Variants in MINDY1 observed in about 807,000 individuals in gnomAD.
MINDY1 encodes the protein MINDY lysine 48 deubiquitinase 1, also known as ubiquitin carboxyl-terminal hydrolase MINDY-1.
In MINDY1, 50 loss-of-function variants were observed where a neutral mutation model predicts 53.6. The ratio of observed to expected loss-of-function variants is 0.93; its 90% CI spans 0.74 to 1.18. MINDY1 has a LOEUF of 1.18. MINDY1 is among the 50% of genes most tolerant of loss of function. MINDY1 has a pLI of 0.00. For missense variants in MINDY1, 484 were observed against 578.6 expected (o/e 0.84, Z 1.68); for synonymous variants, 231 against 234.7 (o/e 0.98, Z 0.14).
At position 150,998,299 on chromosome 1, in the gene MINDY1, T is replaced by TG. The variant is rs760007617; in HGVS notation, c.982-27dup. 21 of 1,589,112 alleles carry TG rather than the reference T, an allele frequency of 1.3e-5. No individual in the cohort carries two copies. The Admixed American group carries it at 2.7e-4, about 20-fold the overall frequency. ...CTACAAAGAAAAGAACAGAGCTCAT[T>TG]GGGGGGACAGTTGATACGGAGGCAG... On this transcript the variant is annotated intron_variant, in intron 7 of 9. Transcript: ENST00000683666.
At chr1:151,007,234 G>A (rs1034343676), upstream of MINDY1, among the ~76,000 whole-genome samples, 1 of 152,180 alleles carries the variant, frequency 6.6e-6, no homozygotes, top group Non-Finnish European at 1.5e-5. Flanking sequence ...CTCTGGGCGC[G>A]ATGGCTGACG....
chr1:150,999,876 T>C lies in MINDY1; in HGVS notation c.824A>G (p.Asn275Ser), dbSNP rs748921124. 14 of 1,613,578 alleles carry C rather than the reference T, an allele frequency of 8.7e-6. No individual in the cohort carries two copies. The highest frequency in any genetic ancestry group is 1.2e-5 in the Non-Finnish European group (14 of 1,179,874). ...AGGAATGTCACCTTCTGTCACGAGG[T>C]TGGTGTCACTGGAGTGTTTGCAGGT... ...IITCKHSSDTNLVTEGLIAEQ... is the reference protein window; with the variant it reads ...IITCKHSSDTSLVTEGLIAEQ... Residue 275 changes from asparagine (N) to serine (S), a missense_variant, in exon 6 of 10, where the codon AAC becomes AGC. Coordinates refer to ENST00000683666, the MANE Select transcript of MINDY1 (RefSeq NM_001376665.1). This position sits in a 1 kb window ranked among gnomAD's most constrained non-coding sequence, Gnocchi z 4.4.
At position 150,999,580 on chromosome 1, in the gene MINDY1, A is replaced by G. The variant is rs1170933799; in HGVS notation, c.839-69T>C. 1.3e-6 allele frequency: 2 copies of G among 1,589,192 alleles called. No individual in the cohort carries two copies. Among genetic ancestry groups the G allele is most frequent in the Non-Finnish European group, 1.7e-6 (2 of 1,168,730 alleles). The stretch of plus-strand genomic sequence containing the variant: ...AGGTCCACAACAGGAAGGACCATCC[A>G]GAGAGCCCCTGTCAAAAGCCCCGGG... On this transcript the variant is annotated intron_variant, in intron 6 of 9. Transcript: ENST00000683666. The surrounding 1 kb of genome is among the most constrained non-coding windows in gnomAD (Gnocchi z 4.4).
In MINDY1 at chr1:150,999,355, C is replaced by G; in HGVS notation, c.981+14G>C. The G allele has an allele frequency of 6.2e-7, 1 of 1,613,688 alleles. No individual in the cohort carries two copies. The highest frequency in any genetic ancestry group is 8.5e-7 in the Non-Finnish European group (1 of 1,179,692). On this transcript the variant is annotated intron_variant, in intron 7 of 9. Coordinates refer to ENST00000683666, the MANE Select transcript of MINDY1 (RefSeq NM_001376665.1). The surrounding 1 kb of genome is among the most constrained non-coding windows in gnomAD (Gnocchi z 4.4). ...TGACAGCACCGCAGCACGCCACCCCCAAACTCGCATTACCTTATGCTTAGT... is the reference window on the plus strand; with the variant it reads ...TGACAGCACCGCAGCACGCCACCCCGAAACTCGCATTACCTTATGCTTAGT...
intron 5 of MINDY1, 88 bp downstream of exon 5, chr1:151,000,369 T>C: frequency 1.4e-6 from 2 of 1,391,524 alleles, no homozygotes; most frequent in South Asian, 2.9e-5. Flanking sequence ...ATCTAACCCC[T>C]AACTCCCTAA....
chr1:150,997,473 A>G, intron 9 of MINDY1, 106 bp from the exon 10 acceptor site: 1 of 1,541,520 alleles, frequency 6.5e-7, no homozygotes, highest in East Asian at 2.4e-5. Flanking sequence ...GGAGAGGAAG[A>G]CAGGAAGGGG....
Position 150,998,078 on chromosome 1 carries a change from A to G in MINDY1, c.1173+4T>C, listed in dbSNP as rs1299887096. 6.2e-7 allele frequency: 1 copy of G among 1,607,438 alleles called. No homozygotes were observed. Among genetic ancestry groups the G allele is most frequent in the Non-Finnish European group, 8.5e-7 (1 of 1,178,088 alleles). On this transcript the variant is annotated splice_donor_region_variant and intron_variant, in intron 8 of 9. Transcript: ENST00000683666. ...TCTGCACTTTTCCTAAGTGCCCTAC[A>G]CACCTGGTCTACCTGCAGCTGCGTT...
At chr1:151,006,065 TC>T (rs1440316408) in intron 1 of MINDY1, 1 of 1,550,218 alleles carries the variant, frequency 6.5e-7, no homozygotes, top group South Asian at 1.2e-5. Context: ...TCAGAATATG[TC>T]AACCATGGCC....
At position 150,997,028 on chromosome 1, in the gene MINDY1, G is replaced by C; in HGVS notation, c.*259C>G. The stretch of plus-strand genomic sequence containing the variant: ...CCCCAGAGCCTCAGTCTGTACATAC[G>C]TGTGACTATTCAGGGACCGGGAGTT... On this transcript the variant is annotated 3_prime_UTR_variant, in exon 10 of 10. Coordinates refer to ENST00000683666, the MANE Select transcript of MINDY1 (RefSeq NM_001376665.1). 1.8e-6 allele frequency: 1 copy of C among 554,572 alleles called. No homozygotes were observed. The highest frequency in any genetic ancestry group is 3.3e-6 in the Non-Finnish European group (1 of 307,340). The allele number at this position is 554,572 out of a possible 1,614,324, so 34.4% of individuals were successfully genotyped here.
Position 150,998,226 on chromosome 1 carries a change from C to T in MINDY1, c.1029G>A (p.Glu343=), listed in dbSNP as rs1000195456. 5 of 1,614,184 alleles carry T rather than the reference C, an allele frequency of 3.1e-6. No homozygotes were observed. The highest frequency in any genetic ancestry group is 1.7e-5 in the Admixed American group (1 of 60,022). The change falls in exon 8 of 10, where the codon GAG becomes GAA. Residue 343 remains glutamate (E), a synonymous_variant. Transcript: ENST00000683666. ...TGTGCAGGCTCTCCCATACGACTTG[C>T]TCCTCCTGTAGAAAGCCCTGGTCAG... ...LVTDQGFLQE[E]QVVWESLHNV...
rs766767972 is a variant in MINDY1, at chr1:150,998,234, G to A, written c.1021C>T (p.Gln341Ter). 6.2e-7 allele frequency: 1 copy of A among 1,614,164 alleles called. No individual in the cohort carries two copies. Among genetic ancestry groups the A allele is most frequent in the Non-Finnish European group, 8.5e-7 (1 of 1,180,030 alleles). Reference protein sequence around the residue: ...YLLVTDQGFLQEEQVVWESLH... With the variant: ...YLLVTDQGFL ...CTCTCCCATACGACTTGCTCCTCCT[G>A]TAGAAAGCCCTGGTCAGTGACCAGT... The change falls in exon 8 of 10, where the codon CAG becomes TAG. Residue 341 changes from glutamine (Q) to a stop codon, truncating the protein, a stop_gained. Coordinates refer to ENST00000683666, the MANE Select transcript of MINDY1 (RefSeq NM_001376665.1). LOFTEE classifies it high-confidence loss of function.
intron 3 of MINDY1, among the ~76,000 whole-genome samples, 157 bp downstream of exon 3, chr1:151,001,566 CTT>C (rs1474385485): frequency 6.6e-6 from 1 of 152,264 alleles, no homozygotes; most frequent in African/African-American, 2.4e-5. Context: ...GACGCCTTTG[CTT>C]TTCATTCTCC....
Position 151,002,816 on chromosome 1 carries a change from G to A in MINDY1, c.-89-110C>T. The A allele has an allele frequency of 2.7e-6, 4 of 1,458,170 alleles. No individual in the cohort carries two copies. Among genetic ancestry groups the A allele is most frequent in the Non-Finnish European group, 3.6e-6 (4 of 1,107,216 alleles). 90.3% of individuals were successfully genotyped at this position (1,458,170 alleles called of 1,614,324 possible). ...GCTAGTGTTTGTGCAGTAACTCCTG[G>A]CTATGGGCAGTATATGTGTAAACAG... On this transcript the variant is annotated intron_variant, in intron 1 of 9. Coordinates refer to ENST00000683666, the MANE Select transcript of MINDY1 (RefSeq NM_001376665.1). The surrounding 1 kb of genome is among the most constrained non-coding windows in gnomAD (Gnocchi z 4.1).
chr1:150,997,051 G>A lies in MINDY1; in HGVS notation c.*236C>T. 1.7e-6 allele frequency: 1 copy of A among 581,934 alleles called. No individual in the cohort carries two copies. The highest frequency in any genetic ancestry group is 2.0e-5 in the South Asian group (1 of 49,644). The allele number at this position is 581,934 out of a possible 1,614,324, so 36.0% of individuals were successfully genotyped here. On this transcript the variant is annotated 3_prime_UTR_variant, in exon 10 of 10. Coordinates refer to ENST00000683666, the MANE Select transcript of MINDY1 (RefSeq NM_001376665.1). The stretch of plus-strand genomic sequence containing the variant: ...ACGTGTGACTATTCAGGGACCGGGA[G>A]TTGAGAACCAGAAACCCACCAATCC...
At chr1:151,004,862 A>C (rs1341318044) in intron 1 of MINDY1, among the ~76,000 whole-genome samples, 1 of 152,162 alleles carries the variant, frequency 6.6e-6, no homozygotes, top group African/African-American at 2.4e-5. Flanking sequence ...TTGTAAACCT[A>C]CAGGAATTTG....
intron 5 of MINDY1, 56 bp downstream of exon 5, chr1:151,000,401 C>A (rs1160385273): frequency 3.3e-6 from 5 of 1,518,818 alleles, no homozygotes; most frequent in South Asian, 1.3e-5. Context: ...CAAAAATTTG[C>A]CTCTCTCATG....
At chr1:151,006,933 C>G, upstream of MINDY1, 2 of 981,386 alleles carry the variant, frequency 2.0e-6, no homozygotes, top group Non-Finnish European at 2.4e-6. Flanking sequence ...AGTGCCCTTG[C>G]TAAGTAGGGA....
Position 150,999,782 on chromosome 1 carries a change from A to G in MINDY1, c.838+80T>C. 7.9e-7 allele frequency: 1 copy of G among 1,267,108 alleles called. No individual in the cohort carries two copies. Among genetic ancestry groups the G allele is most frequent in the Non-Finnish European group, 1.1e-6 (1 of 882,066 alleles). The allele number at this position is 1,267,108 out of a possible 1,614,324, so 78.5% of individuals were successfully genotyped here. Reference sequence around the variant, plus strand: ...CTTATATCTAGTGGGATGTGGTAGGAGATGACACCCAATAAAAAATAAGCC... The same window carrying G: ...CTTATATCTAGTGGGATGTGGTAGGGGATGACACCCAATAAAAAATAAGCC... On this transcript the variant is annotated intron_variant, in intron 6 of 9. Transcript: ENST00000683666. The surrounding 1 kb of genome is among the most constrained non-coding windows in gnomAD (Gnocchi z 4.4).
At chr1:151,000,034 G>T in intron 5 of MINDY1, 70 bp from the exon 6 acceptor site, 2 of 1,177,784 alleles carry the variant, frequency 1.7e-6, no homozygotes, top group South Asian at 1.3e-5. Flanking sequence ...GGAAGGAAAT[G>T]AACAAAGCTC....
Sources: gnomAD v4.1 joint callset for allele counts (sites outside exome capture counted in the v4.1 genomes callset) on GRCh38, gnomAD v4.1.1 for gene constraint, Gnocchi (gnomAD v3.1) non-coding constraint, MANE v1.5 for transcripts, NCBI Gene and HGNC (gene_info 2026-07-23, HGNC 2026-07-21) for gene names.